SCN3A: variants seen among roughly 807,000 people sequenced by gnomAD.
The protein encoded by SCN3A is sodium voltage-gated channel alpha subunit 3.
SCN3A carries 60 observed loss-of-function variants against 187.6 expected under a neutral mutation model. The ratio of observed to expected loss-of-function variants is 0.32; its 90% CI spans 0.26 to 0.40. The LOEUF (loss-of-function observed/expected upper bound fraction) is 0.40. Among genes scored for constraint, SCN3A ranks in the 10% least tolerant of loss-of-function variants. The probability of loss-of-function intolerance (pLI) is 1.00; values close to 1 mark genes in which losing one functional copy is unlikely to be tolerated. For missense variants in SCN3A, 1,601 were observed against 2,428.2 expected (o/e 0.66, Z 7.16); for synonymous variants, 788 against 829.2 (o/e 0.95, Z 0.85).
chr2:165,195,640 A>G (rs1231044751), intron 1 of SCN3A: 1 of 152,026 alleles, frequency 6.6e-6, no homozygotes, highest in Non-Finnish European at 1.5e-5. Context: ...GAGAGGAGGA[A>G]GTGTATTATT....
chr2:165,125,552 C>T (rs1270216900), intron 18 of SCN3A, among the ~76,000 whole-genome samples: 2 of 152,112 alleles, frequency 1.3e-5, no homozygotes, highest in Non-Finnish European at 2.9e-5. Flanking sequence ...CTCCTGACCT[C>T]GTGATCCACT....
At chr2:165,098,177 A>C (rs1222537242) in intron 22 of SCN3A, among the ~76,000 whole-genome samples, 3 of 152,210 alleles carry the variant, frequency 2.0e-5, no homozygotes. Flanking sequence ...TTTGGAGCAC[A>C]TGCTACTTCA....
chr2:165,093,764 C>T (rs1001076991), intron 26 of SCN3A: 1 of 152,292 alleles, frequency 6.6e-6, no homozygotes, highest in East Asian at 1.9e-4. Flanking sequence ...AGATTTGTGA[C>T]TTGGGGCATG....
chr2:165,104,864 C>A (rs1269754291), intron 21 of SCN3A, among the ~76,000 whole-genome samples: 1 of 152,070 alleles, frequency 6.6e-6, no homozygotes, highest in Admixed American at 6.6e-5. Context: ...TTTATTTATA[C>A]CCCCTACTGA....
In SCN3A at chr2:165,092,855, C is replaced by A; in HGVS notation, c.4537-331G>T. 1 of 278,078 alleles carries A rather than the reference C, an allele frequency of 3.6e-6. No homozygotes were observed. The highest frequency in any genetic ancestry group is 6.9e-6 in the Non-Finnish European group (1 of 145,832). The allele number at this position is 278,078 out of a possible 1,614,324, so 17.2% of individuals were successfully genotyped here. A position where few individuals can be genotyped will look rare whatever the true frequency, so the allele number is the denominator to read the frequency against. On this transcript the variant is annotated intron_variant, in intron 26 of 27. Coordinates refer to ENST00000283254, the MANE Select transcript of SCN3A (RefSeq NM_006922.4). This position sits in a 1 kb window ranked among gnomAD's most constrained non-coding sequence, Gnocchi z 4.2. The stretch of plus-strand genomic sequence containing the variant: ...GAGGCTCTCTTGAGGCCAAGAGTTC[C>A]AGACCAGCCTGGGCAACATAGTGAG...
Position 165,149,888 on chromosome 2 carries a change from G to A in SCN3A, c.1381-2859C>T, listed in dbSNP as rs541866831. On this transcript the variant is annotated intron_variant, in intron 11 of 27. Coordinates refer to ENST00000283254, the MANE Select transcript of SCN3A (RefSeq NM_006922.4). ...TGTAACTCACTGTATCTGTGTGTCC[G>A]TAAAAATATAACCACATAACTAATA... Among the ~76,000 whole-genome samples, 6 of 152,250 alleles carry A rather than the reference G, an allele frequency of 3.9e-5. No homozygotes were observed. In the South Asian group the frequency reaches 6.2e-4, roughly 16 times the overall value.
intron 3 of SCN3A, among the ~76,000 whole-genome samples, chr2:165,173,638 A>G (rs925689893): frequency 6.6e-6 from 1 of 152,226 alleles, no homozygotes; most frequent in African/African-American, 2.4e-5. Flanking sequence ...TAATGATGGT[A>G]AAGAGTTACA....
rs1411516540 is a variant in SCN3A, at chr2:165,097,471, C to T, written c.4020G>A (p.Leu1340=). The change falls in exon 23 of 28, where the codon TTG becomes TTA. Residue 1340 remains leucine, a synonymous_variant. Coordinates refer to ENST00000283254, the MANE Select transcript of SCN3A (RefSeq NM_006922.4). ...GAIPSIMNVL[L]VCLIFWLIFS... is the part of the protein sequence containing the mutation. The stretch of plus-strand genomic sequence containing the variant: ...AGATCAACCAGAAGATGAGACAGAC[C>T]AACAGCACATTCATGATAGAGGGAA... 1 of 1,613,718 alleles carries T rather than the reference C, an allele frequency of 6.2e-7. No individual in the cohort carries two copies. The highest frequency in any genetic ancestry group is 8.5e-7 in the Non-Finnish European group (1 of 1,179,944).
chr2:165,159,316 A>G (rs1689226153), intron 9 of SCN3A, among the ~76,000 whole-genome samples: 1 of 137,050 alleles, frequency 7.3e-6, no homozygotes, highest in South Asian at 2.3e-4. Flanking sequence ...TTGAGTTTTA[A>G]GAGTTCTTTA....
At chr2:165,131,166 A>T in intron 16 of SCN3A, 78 bp downstream of exon 16, 1 of 839,070 alleles carries the variant, frequency 1.2e-6, no homozygotes, top group Non-Finnish European at 1.7e-6. Context: ...AAAATTAATA[A>T]TTATATAAAT....
At chr2:165,190,673 C>A (rs2105967377) in intron 1 of SCN3A, among the ~76,000 whole-genome samples, 1 of 149,174 alleles carries the variant, frequency 6.7e-6, no homozygotes, top group South Asian at 2.1e-4. Context: ...AAATCAAGTT[C>A]CTCTATGTGA....
At chr2:165,109,157 C>G (rs1035398179) in intron 21 of SCN3A, among the ~76,000 whole-genome samples, 1 of 152,134 alleles carries the variant, frequency 6.6e-6, no homozygotes, top group Non-Finnish European at 1.5e-5. Flanking sequence ...CTTTTAATTA[C>G]TACTTCTCAG....
chr2:165,117,571 G>T (rs898764981), intron 18 of SCN3A, among the ~76,000 whole-genome samples: 3 of 151,980 alleles, frequency 2.0e-5, no homozygotes, highest in African/African-American at 7.2e-5. Flanking sequence ...ACCAAGTATA[G>T]AATAGACACT....
At chr2:165,163,322 C>T (rs1013186585) in intron 7 of SCN3A, among the ~76,000 whole-genome samples, 2 of 152,004 alleles carry the variant, frequency 1.3e-5, no homozygotes, top group Non-Finnish European at 2.9e-5. Context: ...ATGGTAAAAT[C>T]CAAATCTGTT....
intron 21 of SCN3A, among the ~76,000 whole-genome samples, chr2:165,112,108 T>G (rs1002713253): frequency 2.0e-5 from 3 of 152,242 alleles, no homozygotes; most frequent in African/African-American, 7.2e-5. Context: ...TTGAAGCACC[T>G]TGTTTTGTTA....
rs1687308320 is a variant in SCN3A, at chr2:165,131,431, A to T, written c.2392-14T>A. 1 of 1,592,590 alleles carries T rather than the reference A, an allele frequency of 6.3e-7. No homozygotes were observed. The highest frequency in any genetic ancestry group is 1.3e-5 in the African/African-American group (1 of 74,436). ...CCCAGTAAAGACCTAAAAAATAGAG[A>T]TCAGCACTACTTCAAGAGCACTGAA... On this transcript the variant is annotated splice_polypyrimidine_tract_variant and intron_variant, in intron 15 of 27. Transcript: ENST00000283254.
At chr2:165,161,298 A>G (rs1689382058) in intron 9 of SCN3A, among the ~76,000 whole-genome samples, 1 of 151,886 alleles carries the variant, frequency 6.6e-6, no homozygotes, top group South Asian at 2.1e-4. Flanking sequence ...GGGACAGAAT[A>G]TTACTCTCTC....
intron 6 of SCN3A, chr2:165,163,968 C>G: frequency 7.7e-7 from 1 of 1,306,400 alleles, no homozygotes; most frequent in East Asian, 2.4e-5. Flanking sequence ...CTGGGTTTGG[C>G]ACATAGAGCC....
intron 11 of SCN3A, among the ~76,000 whole-genome samples, chr2:165,153,322 G>A (rs1345112797): frequency 6.6e-6 from 1 of 151,998 alleles, no homozygotes; most frequent in Non-Finnish European, 1.5e-5. Flanking sequence ...TAAATATAAA[G>A]CATAAAACTA....
Sources: gnomAD v4.1 joint callset for allele counts (sites outside exome capture counted in the v4.1 genomes callset) on GRCh38, gnomAD v4.1.1 for gene constraint, Gnocchi (gnomAD v3.1) non-coding constraint, MANE v1.5 for transcripts, NCBI Gene and HGNC (gene_info 2026-07-23, HGNC 2026-07-21) for gene names.